Variants in AMMECR1 observed in about 807,000 individuals in gnomAD.
AMMECR1 encodes AMMECR nuclear protein 1.
A neutral mutation model predicts 22.5 loss-of-function variants in AMMECR1; 3 were observed. The ratio of observed to expected loss-of-function variants is 0.13; its 90% CI spans 0.06 to 0.35. The LOEUF (loss-of-function observed/expected upper bound fraction) is 0.35, where lower values mean the gene tolerates loss of function less well. Among genes scored for constraint, AMMECR1 ranks in the 10% least tolerant of loss-of-function variants. AMMECR1 has a pLI of 1.00. For synonymous variants in AMMECR1, 130 were observed against 116.7 expected (o/e 1.11, Z -0.74); for missense variants, 235 against 278.7 (o/e 0.84, Z 1.12).
chrX:110,341,693 A>G (rs1017805417), intron 2 of AMMECR1, among the ~76,000 whole-genome samples: 1 of 112,102 alleles, frequency 8.9e-6, no homozygotes, highest in Non-Finnish European at 1.9e-5. Context: ...ATTTTACTTT[A>G]TAAGTTCCCC....
chrX:110,422,338 G>T (rs1248431700), intron 2 of AMMECR1, among the ~76,000 whole-genome samples: 3 of 112,791 alleles, frequency 2.7e-5, no homozygotes, highest in Non-Finnish European at 3.7e-5. Flanking sequence ...GTGCCACTCA[G>T]TGTAACCACA....
At chrX:110,265,263 G>A (rs969852539) in intron 1 of AMMECR1, among the ~76,000 whole-genome samples, 1 of 111,690 alleles carries the variant, frequency 9.0e-6, no homozygotes, top group African/African-American at 3.3e-5. Flanking sequence ...TATTGAGATA[G>A]AAGAAAACTT....
At chrX:110,236,080 G>T (rs2067599442) in intron 2 of AMMECR1, among the ~76,000 whole-genome samples, 2 of 112,046 alleles carry the variant, frequency 1.8e-5, no homozygotes, top group African/African-American at 6.5e-5. Context: ...TTACAGTCAT[G>T]TGATAACAGC....
intron 2 of AMMECR1, among the ~76,000 whole-genome samples, chrX:110,410,118 G>C (rs1265490245): frequency 8.9e-6 from 1 of 111,777 alleles, no homozygotes; most frequent in Non-Finnish European, 1.9e-5. Flanking sequence ...TGGGTAGCCA[G>C]CTGAGTCACC....
chrX:110,342,885 G>C (rs1038456606), intron 2 of AMMECR1, among the ~76,000 whole-genome samples: 6 of 111,235 alleles, frequency 5.4e-5, no homozygotes, highest in African/African-American at 2.0e-4. Context: ...AGGACCAGAA[G>C]GATTCACAGC....
intron 2 of AMMECR1, among the ~76,000 whole-genome samples, chrX:110,220,457 G>A (rs779598531): frequency 1.8e-5 from 2 of 111,598 alleles, no homozygotes; most frequent in South Asian, 7.5e-4. Flanking sequence ...TCCATAGAAA[G>A]CATTTTATAC....
rs369838563 is a variant in AMMECR1, at chrX:110,236,529, T to C, written c.585-19897A>G. 1.6e-4 allele frequency among the ~76,000 whole-genome samples: 18 copies of C among 112,430 alleles called. No homozygotes were observed. In the East Asian group the frequency reaches 4.2e-3, roughly 26 times the overall value. On this transcript the variant is annotated intron_variant, in intron 2 of 5. Transcript: ENST00000262844. ...CCAAATTAAAAACTAACTTTTGGAC[T>C]CTTTATCCCCATGTATATGTTATAG...
intron 2 of AMMECR1, among the ~76,000 whole-genome samples, chrX:110,345,094 A>C (rs1399886348): frequency 1.5e-3 from 169 of 112,012 alleles, no homozygotes; most frequent in Middle Eastern, 4.6e-3. Context: ...TGGAACCAAC[A>C]CAAATGTCCA....
intron 2 of AMMECR1, among the ~76,000 whole-genome samples, chrX:110,354,121 T>A (rs1235713663): frequency 8.9e-6 from 1 of 111,915 alleles, no homozygotes; most frequent in Non-Finnish European, 1.9e-5. Flanking sequence ...TCAATGAAAT[T>A]CCTGTCAAAA....
chrX:110,432,184 G>A (rs1255899926), intron 1 of AMMECR1, among the ~76,000 whole-genome samples: 4 of 112,213 alleles, frequency 3.6e-5, no homozygotes, highest in South Asian at 3.7e-4. Flanking sequence ...GCCTAGGCTC[G>A]CTCTTGCCAG....
At chrX:110,391,929 G>T (rs1229786040) in intron 2 of AMMECR1, among the ~76,000 whole-genome samples, 1 of 112,100 alleles carries the variant, frequency 8.9e-6, no homozygotes, top group African/African-American at 3.2e-5. Flanking sequence ...AAAATAATAT[G>T]CTTCTCCTCT....
At chrX:110,326,777 A>G (rs1569407842) in intron 2 of AMMECR1, among the ~76,000 whole-genome samples, 1 of 112,002 alleles carries the variant, frequency 8.9e-6, no homozygotes. Context: ...TGGTATTTGG[A>G]GAATGTAATG....
intron 3 of AMMECR1, among the ~76,000 whole-genome samples, chrX:110,206,464 C>T (rs1293771803): frequency 1.8e-5 from 2 of 112,035 alleles, no homozygotes; most frequent in Non-Finnish European, 3.8e-5. Flanking sequence ...CCTAGTCTGT[C>T]TAATAAGGCA....
rs923993296 is a variant in AMMECR1, at chrX:110,358,476, C to A, written c.-147-40627G>T. Among the ~76,000 whole-genome samples, 3 of 110,981 alleles carry A rather than the reference C, an allele frequency of 2.7e-5. No individual in the cohort carries two copies. In the South Asian group the frequency reaches 1.2e-3, roughly 43 times the overall value. On this transcript the variant is annotated intron_variant, in intron 2 of 7. Coordinates refer to the AMMECR1 transcript ENST00000372057. ...ACTGAATGCATCATGTCCATTTTCT[C>A]ATTTGATCCTGACAACCACCTGTGA...
At chrX:110,274,400 T>A (rs1331058903) in intron 1 of AMMECR1, among the ~76,000 whole-genome samples, 1 of 111,742 alleles carries the variant, frequency 8.9e-6, no homozygotes, top group Non-Finnish European at 1.9e-5. Flanking sequence ...TTATGTGTAT[T>A]TTTTTTCTTT....
intron 2 of AMMECR1, among the ~76,000 whole-genome samples, chrX:110,230,961 G>A (rs2067562214): frequency 8.9e-6 from 1 of 111,829 alleles, no homozygotes; most frequent in Non-Finnish European, 1.9e-5. Context: ...ATGAAGTAAA[G>A]CGAGAAGACA....
chrX:110,220,002 A>G (rs1295159543), intron 2 of AMMECR1, among the ~76,000 whole-genome samples: 3 of 112,085 alleles, frequency 2.7e-5, no homozygotes, highest in Admixed American at 1.9e-4. Flanking sequence ...CAGAGCTGCC[A>G]GGCTGGTGTG....
At chrX:110,366,594 TTCTTTGA>T (rs1227254534) in intron 2 of AMMECR1, among the ~76,000 whole-genome samples, 3 of 111,636 alleles carry the variant, frequency 2.7e-5, no homozygotes, top group Non-Finnish European at 5.7e-5. Flanking sequence ...CTCCATTTTC[TTCTTTGA>T]TCAGCTTAGA....
intron 2 of AMMECR1, among the ~76,000 whole-genome samples, chrX:110,390,700 T>C (rs2068488470): frequency 8.9e-6 from 1 of 112,011 alleles, no homozygotes; most frequent in Non-Finnish European, 1.9e-5. Flanking sequence ...AATGACTAAA[T>C]TATCTGGTCA....
Sources: allele counts gnomAD v4.1 joint callset (sites outside exome capture counted in the v4.1 genomes callset), GRCh38; gene constraint gnomAD v4.1.1; transcripts MANE v1.5; gene names NCBI Gene and HGNC (gene_info 2026-07-23, HGNC 2026-07-21).